The following PBX3 variants were observed in gnomAD, a reference collection of about 807,000 sequenced individuals.
The protein encoded by PBX3 is PBX homeobox 3, also known as pre-B-cell leukemia transcription factor 3.
PBX3 carries 14 observed loss-of-function variants against 48.5 expected under a neutral mutation model. The observed-to-expected ratio is 0.29, with a 90% CI of 0.19 to 0.45. PBX3 has a LOEUF of 0.45. Ranked by LOEUF, PBX3 falls within the 20% of genes least tolerant of loss-of-function variation. The pLI, the probability that PBX3 is intolerant of heterozygous loss-of-function variation, is 1.00. For synonymous variants in PBX3, 210 were observed against 200.3 expected, an observed-to-expected ratio of 1.05 and a Z score of -0.41; for missense variants, 386 against 546.7, an observed-to-expected ratio of 0.71 and a Z score of 2.93.
chr9:125,826,765 A>G (rs1479782894), intron 2 of PBX3, among the ~76,000 whole-genome samples: 2 of 152,110 alleles, frequency 1.3e-5, no homozygotes, highest in Admixed American at 6.5e-5. Context: ...AATATTTTCT[A>G]TATTTATGGT....
intron 2 of PBX3, among the ~76,000 whole-genome samples, chr9:125,855,804 C>A (rs1158353223): frequency 1.3e-5 from 2 of 152,104 alleles, no homozygotes; most frequent in Admixed American, 1.3e-4. Flanking sequence ...CTTGTTCCCC[C>A]TTCACGTATC....
At chr9:125,805,768 G>T (rs1451353912) in intron 2 of PBX3, among the ~76,000 whole-genome samples, 1 of 152,186 alleles carries the variant, frequency 6.6e-6, no homozygotes, top group Non-Finnish European at 1.5e-5. Context: ...AGGTTTTGGG[G>T]TGGGAGAGGG....
intron 2 of PBX3, among the ~76,000 whole-genome samples, chr9:125,901,674 A>G (rs139946561): frequency 6.6e-6 from 1 of 151,788 alleles, no homozygotes; most frequent in Non-Finnish European, 1.5e-5. Flanking sequence ...GAACCAACTA[A>G]CCAGTTACAT....
chr9:125,950,707 C>T (rs1000125944), intron 5 of PBX3, among the ~76,000 whole-genome samples: 3 of 152,122 alleles, frequency 2.0e-5, no homozygotes, highest in Admixed American at 1.3e-4. Context: ...GTCTCAAACT[C>T]CTGACCTCAG....
chr9:125,834,255 A>G (rs1031857159), intron 2 of PBX3, among the ~76,000 whole-genome samples: 3 of 152,186 alleles, frequency 2.0e-5, no homozygotes, highest in Admixed American at 2.0e-4. Flanking sequence ...AGAAGGAAAA[A>G]TATGAGCTGA....
chr9:125,835,774 A>T lies in PBX3; in HGVS notation c.275-79912A>T, dbSNP rs563551547. On this transcript the variant is annotated intron_variant, in intron 2 of 8. Coordinates refer to ENST00000373489, the MANE Select transcript of PBX3 (RefSeq NM_006195.6). ...ATACACTGTAGTTAGTGCATTCACTATGGAAAACAGTATGGAGCTTCCTCA... is the reference window on the plus strand; with the variant it reads ...ATACACTGTAGTTAGTGCATTCACTTTGGAAAACAGTATGGAGCTTCCTCA... Among the ~76,000 whole-genome samples the T allele has an allele frequency of 2.6e-5, 4 of 152,334 alleles. No individual in the cohort carries two copies. In the South Asian group the frequency reaches 8.3e-4, roughly 32 times the overall value.
intron 2 of PBX3, among the ~76,000 whole-genome samples, chr9:125,906,973 TA>T (rs899609471): frequency 3.9e-5 from 6 of 152,040 alleles, no homozygotes; most frequent in African/African-American, 1.4e-4. Flanking sequence ...CAGCACCATT[TA>T]CTTTCTATGT....
At chr9:125,802,061 T>C (rs767996749) in intron 2 of PBX3, among the ~76,000 whole-genome samples, 2 of 152,142 alleles carry the variant, frequency 1.3e-5, no homozygotes, top group Non-Finnish European at 2.9e-5. Flanking sequence ...AAATCCTATC[T>C]CAACAACAAC....
chr9:125,957,485 A>G (rs1842334186), intron 5 of PBX3, among the ~76,000 whole-genome samples: 1 of 152,236 alleles, frequency 6.6e-6, no homozygotes, highest in South Asian at 2.1e-4. Context: ...AATTAAATAA[A>G]CCTTTATTAG....
intron 2 of PBX3, among the ~76,000 whole-genome samples, chr9:125,804,155 A>G (rs529525737): frequency 3.3e-4 from 50 of 152,364 alleles, no homozygotes; most frequent in African/African-American, 1.2e-3. Flanking sequence ...AAGACTAAAT[A>G]GGTTATAGAC....
At chr9:125,874,368 G>A (rs1840199228) in intron 2 of PBX3, among the ~76,000 whole-genome samples, 1 of 151,970 alleles carries the variant, frequency 6.6e-6, no homozygotes, top group African/African-American at 2.4e-5. Context: ...TATTGAAATA[G>A]GTAACAATAC....
At chr9:125,773,572 G>A (rs1271317382) in intron 2 of PBX3, among the ~76,000 whole-genome samples, 2 of 152,158 alleles carry the variant, frequency 1.3e-5, no homozygotes, top group African/African-American at 4.8e-5. Flanking sequence ...GCACATAGTA[G>A]GAAGCACTCA....
chr9:125,757,059 C>T lies in PBX3; in HGVS notation c.274+8436C>T, dbSNP rs1325855481. ...AGGCTTTCAGATGTACTAAGCCCTG[C>T]AAATAATTTATAGAGGAATTATTGG... On this transcript the variant is annotated intron_variant, in intron 2 of 8. Transcript: ENST00000373489. Among the ~76,000 whole-genome samples the T allele has an allele frequency of 2.0e-5, 3 of 152,178 alleles. No individual in the cohort carries two copies. The East Asian group carries it at 5.8e-4, about 29-fold the overall frequency.
At chr9:125,920,704 C>G (rs1195149281) in intron 3 of PBX3, among the ~76,000 whole-genome samples, 1 of 152,148 alleles carries the variant, frequency 6.6e-6, no homozygotes, top group Non-Finnish European at 1.5e-5. Flanking sequence ...GGGTCCCAAC[C>G]CTTCCCAAGC....
intron 2 of PBX3, among the ~76,000 whole-genome samples, chr9:125,803,262 A>G (rs1445350861): frequency 1.3e-5 from 2 of 151,072 alleles, no homozygotes; most frequent in African/African-American, 2.4e-5. Flanking sequence ...TAATTTTTGT[A>G]TTTTTAGTAG....
intron 2 of PBX3, among the ~76,000 whole-genome samples, chr9:125,912,210 G>A (rs1464139575): frequency 1.3e-5 from 2 of 152,076 alleles, no homozygotes; most frequent in African/African-American, 4.8e-5. Flanking sequence ...TCAAAAGCTT[G>A]CCTATATATT....
At chr9:125,954,327 G>A (rs192186761) in intron 5 of PBX3, among the ~76,000 whole-genome samples, 285 of 152,196 alleles carry the variant, frequency 1.9e-3, no homozygotes, top group Middle Eastern at 6.8e-3. Context: ...TATAATGATG[G>A]TTTAGTCCAG....
intron 2 of PBX3, among the ~76,000 whole-genome samples, chr9:125,835,244 G>A (rs1839098826): frequency 6.6e-6 from 1 of 152,104 alleles, no homozygotes; most frequent in African/African-American, 2.4e-5. Flanking sequence ...TCACAAGAAT[G>A]TTTGAAATTG....
intron 2 of PBX3, among the ~76,000 whole-genome samples, chr9:125,777,643 C>T (rs1365771017): frequency 2.0e-5 from 3 of 151,998 alleles, no homozygotes; most frequent in Admixed American, 6.6e-5. Flanking sequence ...GGATTACAGG[C>T]GTGAGCCACC....
Sources: allele counts gnomAD v4.1 joint callset (sites outside exome capture counted in the v4.1 genomes callset), GRCh38; gene constraint gnomAD v4.1.1; transcripts MANE v1.5; gene names NCBI Gene and HGNC (gene_info 2026-07-23, HGNC 2026-07-21).